Variants in RANBP2 observed in about 807,000 individuals in gnomAD.
RANBP2 encodes E3 SUMO-protein ligase RanBP2.
RANBP2 carries 57 observed loss-of-function variants against 303.6 expected under a neutral mutation model. That is an observed-to-expected ratio of 0.19 (90% CI 0.15 to 0.23). The LOEUF is 0.23. Ranked by LOEUF, RANBP2 falls within the 10% of genes least tolerant of loss-of-function variation. The pLI is 1.00. For synonymous variants in RANBP2, 1,167 were observed against 1,301.5 expected, an observed-to-expected ratio of 0.90 and a Z score of 2.23; for missense variants, 3,138 against 3,780.8, an observed-to-expected ratio of 0.83 and a Z score of 4.46.
chr2:109,602,556 T>A, the RANBP2 span, among the ~76,000 whole-genome samples: 12 of 151,246 alleles, frequency 7.9e-5, no homozygotes, highest in Non-Finnish European at 1.3e-4. Flanking sequence ...ATGCCTATAA[T>A]CCCAGCTACT....
the RANBP2 span, among the ~76,000 whole-genome samples, chr2:109,442,266 G>A: frequency 4.0e-5 from 6 of 150,474 alleles, no homozygotes; most frequent in South Asian, 6.3e-4. Flanking sequence ...AGCCGAGATC[G>A]TGCCACTGCA....
At chr2:108,737,551 CTTTT>C (rs61550954) in intron 6 of RANBP2, among the ~76,000 whole-genome samples, 3 of 119,552 alleles carry the variant, frequency 2.5e-5, no homozygotes, top group African/African-American at 3.3e-5. Flanking sequence ...GTCTCAAGCT[CTTTT>C]TTTTTTTTTT....
At chr2:109,119,801 T>C in the RANBP2 span, among the ~76,000 whole-genome samples, 1 of 152,178 alleles carries the variant, frequency 6.6e-6, no homozygotes, top group Admixed American at 6.5e-5. Context: ...TTTTGAAATA[T>C]TTTCGTCACA....
At chr2:109,249,037 A>G in the RANBP2 span, among the ~76,000 whole-genome samples, 1 of 151,988 alleles carries the variant, frequency 6.6e-6, no homozygotes, top group African/African-American at 2.4e-5. Context: ...GCATGCCACC[A>G]TGCCCAGCTA....
At chr2:109,265,095 T>C in the RANBP2 span, among the ~76,000 whole-genome samples, 1 of 152,178 alleles carries the variant, frequency 6.6e-6, no homozygotes, top group Non-Finnish European at 1.5e-5. Context: ...TGCTTAGACT[T>C]TGCCCACTTG....
the RANBP2 span, among the ~76,000 whole-genome samples, chr2:109,400,251 A>G: frequency 6.6e-6 from 1 of 151,236 alleles, no homozygotes; most frequent in African/African-American, 2.4e-5. Context: ...TTACATGGAC[A>G]CTTGAGCACA....
the RANBP2 span, among the ~76,000 whole-genome samples, chr2:109,232,877 T>C: frequency 6.6e-6 from 1 of 152,134 alleles, no homozygotes; most frequent in Admixed American, 6.5e-5. Flanking sequence ...ATTCACACTT[T>C]TTGGTTTACA....
chr2:109,545,734 C>T, the RANBP2 span: 52 of 1,432,588 alleles, frequency 3.6e-5, no homozygotes, highest in East Asian at 1.5e-4. Context: ...ACTAGGGCCA[C>T]GGCTGGGCTA....
chr2:109,259,050 G>A, the RANBP2 span, among the ~76,000 whole-genome samples: 3 of 152,242 alleles, frequency 2.0e-5, no homozygotes, highest in African/African-American at 7.2e-5. Flanking sequence ...AGAGCCTTGT[G>A]CTGCCAGGGC....
intron 1 of RANBP2, among the ~76,000 whole-genome samples, chr2:108,726,442 T>G (rs1407335068): frequency 6.6e-6 from 1 of 151,034 alleles, no homozygotes; most frequent in Non-Finnish European, 1.5e-5. Context: ...TTTTTTGTTT[T>G]TTTTTTTTTT....
At chr2:109,254,783 G>A in the RANBP2 span, among the ~76,000 whole-genome samples, 4 of 152,052 alleles carry the variant, frequency 2.6e-5, no homozygotes, top group African/African-American at 7.2e-5. Flanking sequence ...CCCCATGAGC[G>A]CTCCAGTTAA....
chr2:109,290,264 G>T, the RANBP2 span, among the ~76,000 whole-genome samples: 1 of 152,196 alleles, frequency 6.6e-6, no homozygotes, highest in Non-Finnish European at 1.5e-5. Flanking sequence ...GACAGACAAG[G>T]AAAATGAAGT....
At chr2:109,324,860 G>T in the RANBP2 span, among the ~76,000 whole-genome samples, 1 of 152,156 alleles carries the variant, frequency 6.6e-6, no homozygotes, top group African/African-American at 2.4e-5. Context: ...GTGCAAGCAC[G>T]CACGCTGGCA....
At chr2:109,536,118 C>A in the RANBP2 span, among the ~76,000 whole-genome samples, 4 of 152,076 alleles carry the variant, frequency 2.6e-5, no homozygotes, top group African/African-American at 9.6e-5. Flanking sequence ...GGGGTCAGAG[C>A]CAAACAGAGT....
At chr2:109,725,706 A>G in the RANBP2 span, among the ~76,000 whole-genome samples, 1 of 152,084 alleles carries the variant, frequency 6.6e-6, no homozygotes, top group East Asian at 1.9e-4. Context: ...TTATACTGCA[A>G]GTTACAAAAC....
Position 108,766,409 on chromosome 2 carries a change from A to C in RANBP2, c.5870A>C (p.Glu1957Ala). The C allele has an allele frequency of 6.2e-7, 1 of 1,611,960 alleles. No individual in the cohort carries two copies. Residue 1957 changes from glutamate (E) to alanine (A), a missense_variant, in exon 20 of 29, where the codon GAA (glutamate) becomes GCA (alanine). This residue lies in a region of RANBP2 where 348 missense variants were observed against 360.4 expected (regional missense o/e 0.97). Coordinates refer to ENST00000283195, the MANE Select transcript of RANBP2 (RefSeq NM_006267.5). ...FADLAKSTSG[E>A]GFQFGKKDPN... is the part of the protein sequence containing the mutation. ...GATCTTGCAAAATCAACTTCAGGAG[A>C]AGGATTTCAGTTTGGCAAAAAAGAC... is the stretch of plus-strand genomic sequence containing the variant.
At chr2:109,084,103 C>T in the RANBP2 span, among the ~76,000 whole-genome samples, 23 of 152,282 alleles carry the variant, frequency 1.5e-4, no homozygotes, top group South Asian at 2.1e-4. Flanking sequence ...GGCACAGCTT[C>T]GCCTCCCCCA....
chr2:109,617,448 C>T, the RANBP2 span: 72,430 of 166,874 alleles, frequency 0.43, 16,352 homozygotes, highest in African/African-American at 0.55. Context: ...GGCTTCATAA[C>T]TACTTTAAAA....
the RANBP2 span, among the ~76,000 whole-genome samples, chr2:108,879,128 C>A: frequency 6.6e-6 from 1 of 152,110 alleles, no homozygotes; most frequent in Non-Finnish European, 1.5e-5. Context: ...CCGTTGCAGT[C>A]TTTTATTTAT....
Sources: allele counts gnomAD v4.1 joint callset (sites outside exome capture counted in the v4.1 genomes callset), GRCh38; gene constraint gnomAD v4.1.1; regional missense constraint gnomAD v4.1.1; transcripts MANE v1.5; gene names NCBI Gene and HGNC (gene_info 2026-07-23, HGNC 2026-07-21).